IMMP2L: variants seen among roughly 807,000 people sequenced by gnomAD.
IMMP2L encodes mitochondrial inner membrane protease subunit 2.
A neutral mutation model predicts 19.3 loss-of-function variants in IMMP2L; 18 were observed. The observed-to-expected ratio is 0.93, with a 90% CI of 0.64 to 1.38. IMMP2L has a LOEUF of 1.38. Ranked by LOEUF, IMMP2L falls within the 40% of genes most tolerant of loss-of-function variation. The pLI is 0.00. For synonymous variants in IMMP2L, 76 were observed against 73.0 expected, an observed-to-expected ratio of 1.04 and a Z score of -0.21; for missense variants, 233 against 218.2, an observed-to-expected ratio of 1.07 and a Z score of -0.43.
chr7:111,023,503 C>A (rs1413903969), intron 3 of IMMP2L, among the ~76,000 whole-genome samples: 1 of 150,638 alleles, frequency 6.6e-6, no homozygotes, highest in Non-Finnish European at 1.5e-5. Flanking sequence ...GAGTTCAAGA[C>A]CAGCCTGGCC....
intron 3 of IMMP2L, among the ~76,000 whole-genome samples, chr7:111,027,666 C>T (rs961226853): frequency 6.6e-6 from 1 of 151,936 alleles, no homozygotes; most frequent in Non-Finnish European, 1.5e-5. Context: ...AAAATGACTA[C>T]TATGCAAGTT....
intron 3 of IMMP2L, among the ~76,000 whole-genome samples, chr7:111,057,888 T>C (rs1216571805): frequency 4.6e-5 from 7 of 152,216 alleles, no homozygotes; most frequent in Non-Finnish European, 1.0e-4. Context: ...GAGGAATTTC[T>C]TCAACTGTAT....
intron 3 of IMMP2L, among the ~76,000 whole-genome samples, chr7:111,470,369 T>C (rs957374135): frequency 9.2e-5 from 14 of 152,082 alleles, no homozygotes; most frequent in African/African-American, 3.4e-4. Flanking sequence ...GCAATCCCAT[T>C]ACTGGGTATA....
chr7:110,685,898 T>C (rs1006210293), intron 5 of IMMP2L, among the ~76,000 whole-genome samples: 5 of 152,116 alleles, frequency 3.3e-5, no homozygotes, highest in Admixed American at 6.6e-5. Flanking sequence ...TTAAATTACA[T>C]GTGTGACAGA....
intron 3 of IMMP2L, among the ~76,000 whole-genome samples, chr7:111,134,292 T>C (rs1802125884): frequency 6.6e-6 from 1 of 152,058 alleles, no homozygotes; most frequent in African/African-American, 2.4e-5. Context: ...TTTCTTCAGA[T>C]AATATTTTTA....
chr7:111,488,770 A>G (rs1842856383), intron 2 of IMMP2L, among the ~76,000 whole-genome samples: 1 of 152,116 alleles, frequency 6.6e-6, no homozygotes, highest in South Asian at 2.1e-4. Flanking sequence ...TTATTTAAGG[A>G]ACCTCGATGC....
chr7:110,979,296 T>C (rs942057309), intron 3 of IMMP2L, among the ~76,000 whole-genome samples: 4 of 152,190 alleles, frequency 2.6e-5, no homozygotes, highest in African/African-American at 7.2e-5. Context: ...TCTTACTATT[T>C]ATGTCTAAAT....
At chr7:111,501,732 A>G (rs939955395) in intron 2 of IMMP2L, among the ~76,000 whole-genome samples, 2 of 152,170 alleles carry the variant, frequency 1.3e-5, no homozygotes, top group Non-Finnish European at 2.9e-5. Context: ...TAAGCTTCAT[A>G]AGTGAAGGAG....
chr7:111,298,456 A>G (rs1169956948), intron 3 of IMMP2L, among the ~76,000 whole-genome samples: 1 of 152,102 alleles, frequency 6.6e-6, no homozygotes, highest in Non-Finnish European at 1.5e-5. Flanking sequence ...AAAATATATA[A>G]TAAAACAGCT....
chr7:111,001,642 A>T (rs547292330), intron 3 of IMMP2L, among the ~76,000 whole-genome samples: 2 of 152,310 alleles, frequency 1.3e-5, no homozygotes, highest in Admixed American at 1.3e-4. Flanking sequence ...CTCACTATTA[A>T]TCTGTCAAAA....
chr7:111,290,364 A>G (rs1247738648), intron 3 of IMMP2L, among the ~76,000 whole-genome samples: 1 of 152,216 alleles, frequency 6.6e-6, no homozygotes, highest in African/African-American at 2.4e-5. Context: ...TATTCTAAAT[A>G]TATAGAAGAA....
chr7:111,407,707 C>T (rs896654775), intron 3 of IMMP2L, among the ~76,000 whole-genome samples: 6 of 151,958 alleles, frequency 3.9e-5, no homozygotes, highest in African/African-American at 1.4e-4. Flanking sequence ...ATGATTAAAA[C>T]ATTCCAAAAT....
At chr7:111,020,584 A>T (rs1826180885) in intron 3 of IMMP2L, among the ~76,000 whole-genome samples, 1 of 152,108 alleles carries the variant, frequency 6.6e-6, no homozygotes, top group Non-Finnish European at 1.5e-5. Context: ...CAAAATGGTA[A>T]AACACTGTCT....
intron 4 of IMMP2L, among the ~76,000 whole-genome samples, chr7:110,929,036 C>T (rs1815187403): frequency 6.6e-6 from 1 of 152,010 alleles, no homozygotes; most frequent in East Asian, 1.9e-4. Context: ...TACTTTATTA[C>T]TTTGGTGGTA....
chr7:111,234,603 G>A (rs1342942376), intron 3 of IMMP2L, among the ~76,000 whole-genome samples: 1 of 151,858 alleles, frequency 6.6e-6, no homozygotes, highest in African/African-American at 2.4e-5. Context: ...TTTGCTACTT[G>A]TTTTCTACTG....
chr7:111,379,870 T>C (rs981654017), intron 3 of IMMP2L, among the ~76,000 whole-genome samples: 5 of 151,962 alleles, frequency 3.3e-5, no homozygotes, highest in African/African-American at 4.8e-5. Flanking sequence ...TTTTCTAACA[T>C]TAATAACAGA....
intron 3 of IMMP2L, among the ~76,000 whole-genome samples, chr7:111,058,640 CATCTT>C (rs1171659616): frequency 1.3e-5 from 2 of 152,186 alleles, no homozygotes; most frequent in Non-Finnish European, 2.9e-5. Flanking sequence ...CCTTCTAACT[CATCTT>C]AAACACAAGG....
intron 3 of IMMP2L, among the ~76,000 whole-genome samples, chr7:111,184,724 C>G (rs532867161): frequency 1.3e-3 from 198 of 151,986 alleles, no homozygotes; most frequent in African/African-American, 4.6e-3. Flanking sequence ...CACTGCCACT[C>G]AGAGGTAATG....
rs138774232 is a variant in IMMP2L, at chr7:111,463,615, C to T, written c.239+23623G>A. Among the ~76,000 whole-genome samples, 6 of 152,226 alleles carry T rather than the reference C, an allele frequency of 3.9e-5. No homozygotes were observed. In the East Asian group the frequency reaches 1.2e-3, roughly 29 times the overall value. The stretch of plus-strand genomic sequence containing the variant: ...TATTTCCCTGTCCACTAGCCCCGCT[C>T]CCATAATTCTAGCTCTCACCAGAAT... On this transcript the variant is annotated intron_variant, in intron 3 of 5. Transcript: ENST00000405709.
Sources: gnomAD v4.1 joint callset for allele counts (sites outside exome capture counted in the v4.1 genomes callset) on GRCh38, gnomAD v4.1.1 for gene constraint, MANE v1.5 for transcripts, NCBI Gene and HGNC (gene_info 2026-07-23, HGNC 2026-07-21) for gene names.